Variants in PCDHGB1 observed in about 807,000 individuals in gnomAD.
PCDHGB1 encodes protocadherin gamma subfamily B, 1.
In PCDHGB1, 34 loss-of-function variants were observed where a neutral mutation model predicts 56.6. That is an observed-to-expected ratio of 0.60 (90% CI 0.46 to 0.80). PCDHGB1 has a LOEUF of 0.80. Ranked by LOEUF, PCDHGB1 falls within the 30% of genes least tolerant of loss-of-function variation. The pLI is 0.00. For synonymous variants in PCDHGB1, 561 were observed against 505.9 expected, an observed-to-expected ratio of 1.11 and a Z score of -1.46; for missense variants, 1,278 against 1,204.6, an observed-to-expected ratio of 1.06 and a Z score of -0.90.
chr5:141,498,009 C>A (rs1160103624), intron 2 of PCDHGB1, among the ~76,000 whole-genome samples: 1 of 152,146 alleles, frequency 6.6e-6, no homozygotes, highest in Non-Finnish European at 1.5e-5. Context: ...TTACAGTGCA[C>A]TGAAGGAGAC....
Position 141,433,362 on chromosome 5 carries a change from T to G in PCDHGB1, c.2410-61445T>G, listed in dbSNP as rs1285511534. ...GTGCAAGCCACCTACTGTCTGCCTA[T>G]CTATCTATCTATCTATCTATCTATC... On this transcript the variant is annotated intron_variant, in intron 1 of 3. Transcript: ENST00000523390. 4 of 299,814 alleles carry G rather than the reference T, an allele frequency of 1.3e-5. No individual in the cohort carries two copies. In the East Asian group the frequency reaches 1.8e-4, roughly 14 times the overall value. 18.6% of individuals were successfully genotyped at this position (299,814 alleles called of 1,614,324 possible). A position where few individuals can be genotyped will look rare whatever the true frequency, so the allele number is the denominator to read the frequency against.
chr5:141,489,268 G>C lies in PCDHGB1; in HGVS notation c.2410-5539G>C. 6.4e-7 allele frequency: 1 copy of C among 1,553,286 alleles called. No individual in the cohort carries two copies. The highest frequency in any genetic ancestry group is 8.7e-7 in the Non-Finnish European group (1 of 1,149,780). ...GGGGCCCAAGACACTCCCACAGCTC[G>C]CTGGGAAATGGCAAGTGCTGTGCAT... On this transcript the variant is annotated intron_variant, in intron 1 of 3. Transcript: ENST00000523390. The surrounding 1 kb of genome is among the most constrained non-coding windows in gnomAD (Gnocchi z 4.5).
At position 141,489,258 on chromosome 5, in the gene PCDHGB1, C is replaced by T. The variant is rs1594800449; in HGVS notation, c.2410-5549C>T. 3.2e-6 allele frequency: 5 copies of T among 1,551,530 alleles called. No individual in the cohort carries two copies. Among genetic ancestry groups the T allele is most frequent in the African/African-American group, 1.4e-5 (1 of 73,276 alleles). On this transcript the variant is annotated intron_variant, in intron 1 of 3. Coordinates refer to ENST00000523390, the MANE Select transcript of PCDHGB1 (RefSeq NM_018922.3). This position sits in a 1 kb window ranked among gnomAD's most constrained non-coding sequence, Gnocchi z 4.5. Reference sequence around the variant, plus strand: ...TCTGGGTCATGGGGCCCAAGACACTCCCACAGCTCGCTGGGAAATGGCAAG... The same window carrying T: ...TCTGGGTCATGGGGCCCAAGACACTTCCACAGCTCGCTGGGAAATGGCAAG...
intron 1 of PCDHGB1, chr5:141,419,897 A>G: frequency 1.2e-6 from 2 of 1,613,960 alleles, no homozygotes; most frequent in African/African-American, 2.7e-5. Flanking sequence ...CGACCATCCC[A>G]CACCCTCTGA....
intron 1 of PCDHGB1, chr5:141,478,687 A>G: frequency 6.4e-7 from 1 of 1,551,218 alleles, no homozygotes; most frequent in Middle Eastern, 1.7e-4. Context: ...CCCTTCCTAG[A>G]TCAAAGTTAG....
intron 1 of PCDHGB1, among the ~76,000 whole-genome samples, chr5:141,474,672 T>C (rs1203448521): frequency 2.0e-5 from 3 of 152,228 alleles, no homozygotes; most frequent in Non-Finnish European, 4.4e-5. Flanking sequence ...ACCTAACCTA[T>C]GTGCCTACCC....
chr5:141,413,176 A>G lies in PCDHGB1; in HGVS notation c.2409+60507A>G, dbSNP rs758582296. 252 of 1,601,774 alleles carry G rather than the reference A, an allele frequency of 1.6e-4. 1 individual carries two copies. Among genetic ancestry groups the G allele is most frequent in the Non-Finnish European group, 2.1e-4 (243 of 1,173,006 alleles). Reference sequence around the variant, plus strand: ...TGCAGAATTCTGTAACCAGACTACAATGGCCGCTCAAAGGAATCGCTCAAA... The same window carrying G: ...TGCAGAATTCTGTAACCAGACTACAGTGGCCGCTCAAAGGAATCGCTCAAA... On this transcript the variant is annotated intron_variant, in intron 1 of 3. Coordinates refer to ENST00000523390, the MANE Select transcript of PCDHGB1 (RefSeq NM_018922.3).
chr5:141,390,300 T>A, intron 1 of PCDHGB1: 1 of 1,613,822 alleles, frequency 6.2e-7, no homozygotes, highest in Non-Finnish European at 8.5e-7. Flanking sequence ...CCTTTAAGTA[T>A]AATTTAATGC....
chr5:141,364,417 G>A, intron 1 of PCDHGB1: 1 of 1,613,362 alleles, frequency 6.2e-7, no homozygotes. Context: ...CAGGATCCGG[G>A]CAGATCCGCT....
In PCDHGB1 at chr5:141,432,927, G is replaced by T. The variant is rs774982939; in HGVS notation, c.2410-61880G>T. ...AGGCTGCGGCGCTGGCACAAGTCAC[G>T]CCTGCTGCAGGCTTCAGGAGGCGGC... is the stretch of plus-strand genomic sequence containing the variant. On this transcript the variant is annotated intron_variant, in intron 1 of 3. Coordinates refer to ENST00000523390, the MANE Select transcript of PCDHGB1 (RefSeq NM_018922.3). This position sits in a 1 kb window ranked among gnomAD's most constrained non-coding sequence, Gnocchi z 6.0. 1.9e-6 allele frequency: 3 copies of T among 1,614,162 alleles called. No homozygotes were observed. In the Admixed American group the frequency reaches 5.0e-5, roughly 27 times the overall value.
intron 3 of PCDHGB1, among the ~76,000 whole-genome samples, chr5:141,510,468 A>G (rs1246106107): frequency 2.0e-5 from 3 of 152,152 alleles, no homozygotes; most frequent in Admixed American, 2.0e-4. Flanking sequence ...TGTGGGAGTC[A>G]GAGGCTCCCT....
chr5:141,394,374 G>C, intron 1 of PCDHGB1: 6 of 1,614,172 alleles, frequency 3.7e-6, no homozygotes, highest in Non-Finnish European at 5.1e-6. Context: ...GCAATCTTTC[G>C]ACTATGAGCA....
At chr5:141,370,601 T>C in intron 1 of PCDHGB1, 1 of 1,614,004 alleles carries the variant, frequency 6.2e-7, no homozygotes. Flanking sequence ...TGCGGGTTAT[T>C]GCAGAGAAGA....
At chr5:141,408,450 A>C in intron 1 of PCDHGB1, 1 of 1,613,944 alleles carries the variant, frequency 6.2e-7, no homozygotes, top group Non-Finnish European at 8.5e-7. Flanking sequence ...GAGAGCGGGG[A>C]CTTACTTGTG....
chr5:141,481,970 A>G (rs2099549884), intron 1 of PCDHGB1, among the ~76,000 whole-genome samples: 1 of 151,510 alleles, frequency 6.6e-6, no homozygotes, highest in Non-Finnish European at 1.5e-5. Flanking sequence ...CTGTAGTCAC[A>G]GCTACTTGGG....
At position 141,414,543 on chromosome 5, in the gene PCDHGB1, C is replaced by T. The variant is rs369387885; in HGVS notation, c.2409+61874C>T. The T allele has an allele frequency of 5.0e-6, 8 of 1,613,880 alleles. No individual in the cohort carries two copies. The African/African-American group carries it at 1.1e-4, about 22-fold the overall frequency. ...ATATCAATGACAACCCACCTACCTT[C>T]TCTCAAGTCTCCTACTTTACCTATA... On this transcript the variant is annotated intron_variant, in intron 1 of 3. Transcript: ENST00000523390.
chr5:141,390,321 C>A (rs776100029), intron 1 of PCDHGB1: 1 of 1,606,964 alleles, frequency 6.2e-7, no homozygotes, highest in Non-Finnish European at 8.5e-7. Context: ...TCATTGCCTA[C>A]CCATTTCTCC....
Position 141,365,210 on chromosome 5 carries a change from C to T in PCDHGB1, c.2409+12541C>T, listed in dbSNP as rs376872993. 14 of 1,613,810 alleles carry T rather than the reference C, an allele frequency of 8.7e-6. No homozygotes were observed. The African/African-American group carries it at 1.3e-4, about 15-fold the overall frequency. On this transcript the variant is annotated intron_variant, in intron 1 of 3. Coordinates refer to ENST00000523390, the MANE Select transcript of PCDHGB1 (RefSeq NM_018922.3). ...AGAAAAAATTTCGGAGACTTTCCAA[C>T]TTGATTCCAACCTGGGGGAAATCTC...
rs573580017 is a variant in PCDHGB1, at chr5:141,484,867, G to T, written c.2410-9940G>T. 33 of 282,678 alleles carry T rather than the reference G, an allele frequency of 1.2e-4. No individual in the cohort carries two copies. The South Asian group carries it at 1.6e-3, about 14-fold the overall frequency. The allele number at this position is 282,678 out of a possible 1,614,324, so 17.5% of individuals were successfully genotyped here. On this transcript the variant is annotated intron_variant, in intron 1 of 3. Transcript: ENST00000523390. ...TGGGTTTTTTGGGGGGTGGGGGAGC[G>T]TGGAGGATAGGGTGGGCTTTTTCCC...
Sources: allele counts gnomAD v4.1 joint callset (sites outside exome capture counted in the v4.1 genomes callset), GRCh38; gene constraint gnomAD v4.1.1; non-coding constraint Gnocchi (gnomAD v3.1); transcripts MANE v1.5; gene names NCBI Gene and HGNC (gene_info 2026-07-23, HGNC 2026-07-21).